The following GNAL variants were observed in gnomAD, a reference collection of about 807,000 sequenced individuals.
GNAL encodes G protein subunit alpha L, also known as guanine nucleotide-binding protein G(olf) subunit alpha.
Under a neutral mutation model 55.1 loss-of-function variants are expected in GNAL, and 18 were observed. The ratio of observed to expected loss-of-function variants is 0.33; its 90% CI spans 0.23 to 0.48. GNAL has a LOEUF of 0.48. Among genes scored for constraint, GNAL ranks in the 20% least tolerant of loss-of-function variants. GNAL has a pLI of 0.99. For synonymous variants in GNAL, 253 were observed against 237.0 expected, an observed-to-expected ratio of 1.07 and a Z score of -0.62; for missense variants, 412 against 614.1, an observed-to-expected ratio of 0.67 and a Z score of 3.48.
At chr18:11,780,590 G>A (rs1853810372) in intron 4 of GNAL, among the ~76,000 whole-genome samples, 1 of 152,042 alleles carries the variant, frequency 6.6e-6, no homozygotes, top group Admixed American at 6.6e-5. Context: ...GTAAAGTGTG[G>A]TACAATGGAC....
rs568394711 is a variant in GNAL, at chr18:11,803,984, T to C, written c.625-20934T>C. Among the ~76,000 whole-genome samples the C allele has an allele frequency of 4.0e-5, 6 of 149,702 alleles. No homozygotes were observed. The East Asian group carries it at 8.0e-4, about 20-fold the overall frequency. ...GTTTGGATGGAACACGGAGATACTGTGTAGTGGTGAAGTACAGGAGCAGTT... is the reference window on the plus strand; with the variant it reads ...GTTTGGATGGAACACGGAGATACTGCGTAGTGGTGAAGTACAGGAGCAGTT... On this transcript the variant is annotated intron_variant, in intron 4 of 11. Transcript: ENST00000334049.
At chr18:11,770,349 T>C (rs2033594686) in intron 4 of GNAL, among the ~76,000 whole-genome samples, 1 of 152,180 alleles carries the variant, frequency 6.6e-6, no homozygotes, top group African/African-American at 2.4e-5. Context: ...CTGAAAAGAA[T>C]GATATTTTCA....
Position 11,885,035 on chromosome 18 carries a change from A to G in GNAL, c.*3900A>G. Reference sequence around the variant, plus strand: ...CCTGCCCCTTGATGCTCAACTAAGCATCTGTTCCCTAGAAATACATGTGTC... The same window carrying G: ...CCTGCCCCTTGATGCTCAACTAAGCGTCTGTTCCCTAGAAATACATGTGTC... On this transcript the variant is annotated 3_prime_UTR_variant, in exon 12 of 12. Transcript: ENST00000334049. 1 of 1,295,006 alleles carries G rather than the reference A, an allele frequency of 7.7e-7. No homozygotes were observed. The highest frequency in any genetic ancestry group is 1.0e-6 in the Non-Finnish European group (1 of 992,724). The allele number at this position is 1,295,006 out of a possible 1,614,324, so 80.2% of individuals were successfully genotyped here.
At position 11,751,157 on chromosome 18, in the gene GNAL, C is replaced by G. The variant is rs992430988; in HGVS notation, c.377-1696C>G. ...ACGGTCAACTGGGAGCCGCCACACACAAGGAACAGTGATTTCTCCACGCCC... is the reference window on the plus strand; with the variant it reads ...ACGGTCAACTGGGAGCCGCCACACAGAAGGAACAGTGATTTCTCCACGCCC... On this transcript the variant is annotated intron_variant, in intron 1 of 11. Transcript: ENST00000334049. This position sits in a 1 kb window ranked among gnomAD's most constrained non-coding sequence, Gnocchi z 4.5. Among the ~76,000 whole-genome samples the G allele has an allele frequency of 6.6e-6, 1 of 152,180 alleles. No individual in the cohort carries two copies. The highest frequency in any genetic ancestry group is 1.5e-5 in the Non-Finnish European group (1 of 68,028).
Position 11,729,639 on chromosome 18 carries a change from C to T in GNAL, c.377-23214C>T, listed in dbSNP as rs573875831. ...GCATTAGCAGATTATATATTCTGTG[C>T]GAGCCATATCCATTCTGATTCATTT... On this transcript the variant is annotated intron_variant, in intron 1 of 11. Transcript: ENST00000334049. Among the ~76,000 whole-genome samples, 193 of 151,822 alleles carry T rather than the reference C, an allele frequency of 1.3e-3. 1 individual carries two copies. Among genetic ancestry groups the T allele is most frequent in the South Asian group, 2.5e-3 (12 of 4,824 alleles).
At chr18:11,740,882 C>A (rs1379749931) in intron 1 of GNAL, among the ~76,000 whole-genome samples, 1 of 152,246 alleles carries the variant, frequency 6.6e-6, no homozygotes, top group African/African-American at 2.4e-5. Flanking sequence ...GCCCCTTCCT[C>A]TTTGTCAACA....
rs531857512 is a variant in GNAL at position 11,859,315 on chromosome 18, C to T, written c.723-3080C>T. Among the ~76,000 whole-genome samples, 15 of 152,324 alleles carry T rather than the reference C, an allele frequency of 9.8e-5. No homozygotes were observed. The East Asian group carries it at 1.9e-3, about 20-fold the overall frequency. On this transcript the variant is annotated intron_variant, in intron 5 of 11. Coordinates refer to ENST00000334049, the MANE Select transcript of GNAL (RefSeq NM_182978.4). The stretch of plus-strand genomic sequence containing the variant: ...CTGTCCAGCCCCAGTTCAGAGCTCC[C>T]GTCCCACCCCGGCAGAAACTTCTCC...
intron 1 of GNAL, among the ~76,000 whole-genome samples, chr18:11,749,146 A>C (rs1026808152): frequency 2.0e-5 from 3 of 151,618 alleles, no homozygotes; most frequent in African/African-American, 2.4e-5. Context: ...AAAAAAAAAA[A>C]AAAAACCTCA....
rs114592718 is a variant in GNAL at position 11,806,249 on chromosome 18, G to C, written c.625-18669G>C. Reference sequence around the variant, plus strand: ...TTATAAATTCTGGACATAGTCCCCTGTCAGATGCAGAGTTTGCAGATATTT... The same window carrying C: ...TTATAAATTCTGGACATAGTCCCCTCTCAGATGCAGAGTTTGCAGATATTT... On this transcript the variant is annotated intron_variant, in intron 4 of 11. Transcript: ENST00000334049. Among the ~76,000 whole-genome samples, 772 of 152,302 alleles carry C rather than the reference G, an allele frequency of 5.1e-3. 4 individuals are homozygous for C. The highest frequency in any genetic ancestry group is 0.017 in the African/African-American group (723 of 41,564).
intron 1 of GNAL, among the ~76,000 whole-genome samples, chr18:11,706,738 A>G (rs905768841): frequency 2.6e-5 from 4 of 152,202 alleles, no homozygotes; most frequent in Non-Finnish European, 4.4e-5. Context: ...TTGCTCATTC[A>G]TAAGAAGCAA....
chr18:11,743,903 C>T (rs1222936136), intron 1 of GNAL, among the ~76,000 whole-genome samples: 3 of 150,722 alleles, frequency 2.0e-5, no homozygotes, highest in African/African-American at 7.3e-5. Flanking sequence ...CTACCCTTGC[C>T]TCACAGCCTG....
intron 4 of GNAL, among the ~76,000 whole-genome samples, chr18:11,770,625 A>AT (rs1225767998): frequency 6.6e-5 from 10 of 151,734 alleles, no homozygotes; most frequent in East Asian, 1.9e-4. Context: ...ATCAGGTTGC[A>AT]TTTTTTTTAA....
chr18:11,811,113 C>T (rs2034802967), intron 4 of GNAL, among the ~76,000 whole-genome samples: 2 of 152,108 alleles, frequency 1.3e-5, no homozygotes, highest in Admixed American at 6.5e-5. Context: ...AAATCCGGGC[C>T]TTGCCACATT....
At chr18:11,826,423 C>T (rs2143659932) in intron 5 of GNAL, among the ~76,000 whole-genome samples, 1 of 152,022 alleles carries the variant, frequency 6.6e-6, no homozygotes, top group South Asian at 2.1e-4. Context: ...AAAGAGTGCT[C>T]ATAAAGAAGT....
At chr18:11,815,169 T>C (rs1479266601) in intron 4 of GNAL, among the ~76,000 whole-genome samples, 4 of 152,210 alleles carry the variant, frequency 2.6e-5, no homozygotes, top group Non-Finnish European at 4.4e-5. Context: ...AAGTGATAGA[T>C]ATAGTAGTTA....
intron 5 of GNAL, among the ~76,000 whole-genome samples, chr18:11,843,207 A>C (rs868279836): frequency 2.2e-4 from 33 of 152,006 alleles, no homozygotes; most frequent in African/African-American, 5.5e-4. Context: ...AAAAAAAAAA[A>C]GAAAAAAGGG....
chr18:11,802,721 C>A (rs368683515), intron 4 of GNAL, among the ~76,000 whole-genome samples: 5 of 152,200 alleles, frequency 3.3e-5, no homozygotes, highest in African/African-American at 1.2e-4. Flanking sequence ...ATAAGAAAAT[C>A]AGCACACAGT....
Position 11,884,557 on chromosome 18 carries a change from A to G in GNAL, c.*3422A>G, listed in dbSNP as rs1262775356. The stretch of plus-strand genomic sequence containing the variant: ...AAGGAAGCCCACCACTCCACAGTAG[A>G]TGATCAAAACCACATCCTCACGTGG... On this transcript the variant is annotated 3_prime_UTR_variant, in exon 12 of 12. Coordinates refer to ENST00000334049, the MANE Select transcript of GNAL (RefSeq NM_182978.4). The G allele has an allele frequency of 6.2e-7, 1 of 1,613,956 alleles. No homozygotes were observed. The highest frequency in any genetic ancestry group is 1.3e-5 in the African/African-American group (1 of 74,946).
At chr18:11,867,703 A>G (rs972104189) in intron 8 of GNAL, among the ~76,000 whole-genome samples, 8 of 151,874 alleles carry the variant, frequency 5.3e-5, no homozygotes, top group African/African-American at 1.9e-4. Flanking sequence ...AGTCCCAGCT[A>G]CTCAGGAGGC....
Sources: allele counts gnomAD v4.1 joint callset (sites outside exome capture counted in the v4.1 genomes callset), GRCh38; gene constraint gnomAD v4.1.1; non-coding constraint Gnocchi (gnomAD v3.1); transcripts MANE v1.5; gene names NCBI Gene and HGNC (gene_info 2026-07-23, HGNC 2026-07-21).